ADAM18: variants seen among roughly 807,000 people sequenced by gnomAD.
ADAM18 encodes ADAM metallopeptidase domain 18.
ADAM18 carries 117 observed loss-of-function variants against 94.4 expected under a neutral mutation model. The ratio of observed to expected loss-of-function variants is 1.24; its 90% confidence interval spans 1.07 to 1.45. The LOEUF is 1.45. ADAM18 is among the 40% of genes most tolerant of loss of function. ADAM18 has a pLI of 0.00. For missense variants in ADAM18, 936 were observed against 880.0 expected (o/e 1.06, Z -0.81); for synonymous variants, 327 against 291.6 (o/e 1.12, Z -1.24).
rs934618348 is a variant in ADAM18 at position 39,620,633 on chromosome 8, C to G, written c.523-8741C>G. ...AATTTATATATTAAAATATATATAA[C>G]ATATATTTATATATTGTTATATATA... On this transcript the variant is annotated intron_variant, in intron 6 of 19. Transcript: ENST00000265707. 1.2e-3 allele frequency among the ~76,000 whole-genome samples: 176 copies of G among 144,862 alleles called. 1 individual carries two copies. The highest frequency in any genetic ancestry group is 1.4e-3 in the Non-Finnish European group (94 of 66,454).
chr8:39,592,216 TAAC>T (rs1182859078), intron 2 of ADAM18, among the ~76,000 whole-genome samples: 1 of 152,220 alleles, frequency 6.6e-6, no homozygotes, highest in Non-Finnish European at 1.5e-5. Context: ...TAATAAGCAT[TAAC>T]AAGAGAGTCA....
At chr8:39,601,077 AAG>A (rs1039609538) in intron 2 of ADAM18, among the ~76,000 whole-genome samples, 1 of 152,124 alleles carries the variant, frequency 6.6e-6, no homozygotes, top group Non-Finnish European at 1.5e-5. Flanking sequence ...GAGCAGGAGG[AAG>A]AGAGAGGAGG....
chr8:39,647,508 C>A (rs1305985574), intron 11 of ADAM18, among the ~76,000 whole-genome samples: 1 of 152,108 alleles, frequency 6.6e-6, no homozygotes, highest in Non-Finnish European at 1.5e-5. Flanking sequence ...CAGTGGCCTT[C>A]CTCTATCTCA....
intron 17 of ADAM18, among the ~76,000 whole-genome samples, chr8:39,702,348 T>C (rs1473359151): frequency 6.6e-6 from 1 of 152,158 alleles, no homozygotes; most frequent in Non-Finnish European, 1.5e-5. Context: ...TTTTTTTTCT[T>C]CTTCTTGTAA....
At chr8:39,621,129 T>A (rs531647579) in intron 6 of ADAM18, among the ~76,000 whole-genome samples, 1 of 151,926 alleles carries the variant, frequency 6.6e-6, no homozygotes, top group African/African-American at 2.4e-5. Flanking sequence ...AAGAGGCATT[T>A]CACTGAAAAG....
intron 2 of ADAM18, among the ~76,000 whole-genome samples, chr8:39,605,517 A>ATC (rs1227158343): frequency 6.6e-6 from 1 of 152,110 alleles, no homozygotes; most frequent in Non-Finnish European, 1.5e-5. Flanking sequence ...GACTGCACAT[A>ATC]TGTATGTATA....
intron 12 of ADAM18, among the ~76,000 whole-genome samples, chr8:39,662,563 G>A (rs577741102): frequency 6.6e-6 from 1 of 152,244 alleles, no homozygotes; most frequent in South Asian, 2.1e-4. Context: ...TGGTGTAAAT[G>A]CAGTGTTATT....
chr8:39,660,375 C>A (rs946262680), intron 12 of ADAM18, among the ~76,000 whole-genome samples: 1 of 152,002 alleles, frequency 6.6e-6, no homozygotes, highest in African/African-American at 2.4e-5. Flanking sequence ...GCTTTAAGGA[C>A]CCACATAGGC....
intron 18 of ADAM18, among the ~76,000 whole-genome samples, chr8:39,712,039 C>T (rs544693833): frequency 7.0e-6 from 1 of 142,928 alleles, no homozygotes; most frequent in Non-Finnish European, 1.5e-5. Flanking sequence ...AAGGCCCCCC[C>T]CCGAGAAAAA....
intron 2 of ADAM18, among the ~76,000 whole-genome samples, chr8:39,586,784 C>CTA (rs1554500895): frequency 7.2e-6 from 1 of 138,746 alleles, no homozygotes; most frequent in Admixed American, 7.5e-5. Flanking sequence ...ATCTATCTAT[C>CTA]TATCTATCTA....
At chr8:39,599,594 T>C (rs1466496959) in intron 2 of ADAM18, among the ~76,000 whole-genome samples, 1 of 152,154 alleles carries the variant, frequency 6.6e-6, no homozygotes, top group Non-Finnish European at 1.5e-5. Flanking sequence ...TATGTCTTTG[T>C]TAATTTCACT....
chr8:39,644,906 C>T (rs1360699245), intron 10 of ADAM18, among the ~76,000 whole-genome samples: 1 of 152,128 alleles, frequency 6.6e-6, no homozygotes, highest in African/African-American at 2.4e-5. Flanking sequence ...TTGTCTTTCT[C>T]TCTTTCTATA....
intron 10 of ADAM18, among the ~76,000 whole-genome samples, chr8:39,640,679 C>T (rs961841490): frequency 4.6e-5 from 7 of 152,050 alleles, no homozygotes; most frequent in South Asian, 2.1e-4. Context: ...TTTATAACCT[C>T]GCCAGCATCT....
chr8:39,684,291 T>G (rs1821549885), intron 16 of ADAM18, among the ~76,000 whole-genome samples: 1 of 152,098 alleles, frequency 6.6e-6, no homozygotes, highest in Admixed American at 6.5e-5. Flanking sequence ...TTTATTTATT[T>G]ATTTATTTAT....
intron 14 of ADAM18, among the ~76,000 whole-genome samples, chr8:39,671,223 C>T (rs1251789681): frequency 1.3e-5 from 2 of 152,162 alleles, no homozygotes; most frequent in Non-Finnish European, 2.9e-5. Flanking sequence ...TCAGTGAGCA[C>T]CTCATCACTG....
intron 18 of ADAM18, among the ~76,000 whole-genome samples, chr8:39,720,665 C>T (rs551790248): frequency 5.9e-4 from 90 of 151,324 alleles, no homozygotes; most frequent in Admixed American, 3.5e-3. Flanking sequence ...CATTTGTGAG[C>T]TTTCATCCAA....
chr8:39,655,895 A>G (rs1820669317), intron 12 of ADAM18, among the ~76,000 whole-genome samples: 1 of 152,092 alleles, frequency 6.6e-6, no homozygotes, highest in Non-Finnish European at 1.5e-5. Context: ...GGAACATGAA[A>G]TACTTAGGAA....
chr8:39,631,024 T>C (rs1265660785), intron 7 of ADAM18, among the ~76,000 whole-genome samples: 1 of 151,986 alleles, frequency 6.6e-6, no homozygotes, highest in African/African-American at 2.4e-5. Context: ...TTGGATTTTT[T>C]GAAGAGTAAA....
intron 16 of ADAM18, among the ~76,000 whole-genome samples, chr8:39,683,913 G>T (rs1401389666): frequency 1.3e-5 from 2 of 152,098 alleles, no homozygotes; most frequent in Non-Finnish European, 2.9e-5. Context: ...AAGATGGGAG[G>T]ATCAGTTGAG....
Sources: gnomAD v4.1 joint callset for allele counts (sites outside exome capture counted in the v4.1 genomes callset) on GRCh38, gnomAD v4.1.1 for gene constraint, MANE v1.5 for transcripts, NCBI Gene and HGNC (gene_info 2026-07-23, HGNC 2026-07-21) for gene names.